Variants in HBG2 observed in about 807,000 individuals in gnomAD.
HBG2 encodes the protein hemoglobin subunit gamma 2.
For missense variants in HBG2, 59 were observed against 155.7 expected, an observed-to-expected ratio of 0.38 and a Z score of 3.31; for synonymous variants, 25 against 63.2, an observed-to-expected ratio of 0.40 and a Z score of 2.87.
At position 5,254,513 on chromosome 11, in the gene HBG2, G is replaced by A. The variant is rs778063322; in HGVS notation, c.94C>T (p.Leu32Phe). Residue 32 changes from leucine to phenylalanine, a missense_variant and splice_region_variant, in exon 2 of 3, where the codon CTC becomes TTC. By Grantham distance (22) the Leu-to-Phe change is conservative. Coordinates refer to ENST00000336906, the MANE Select transcript of HBG2 (RefSeq NM_000184.3). ...TGGGTCCATGGGTAGACAACCAGGA[G>A]CCTGTGAGATTGACAAGAACAGTTT... ...EDAGGETLGRLLVVYPWTQRF... is the reference protein window; with the variant it reads ...EDAGGETLGRFLVVYPWTQRF... 1 of 1,612,232 alleles carries A rather than the reference G, an allele frequency of 6.2e-7. No homozygotes were observed. The highest frequency in any genetic ancestry group is 8.5e-7 in the Non-Finnish European group (1 of 1,178,758).
chr11:5,253,340 C>A lies in HBG2; in HGVS notation c.381G>T (p.Val127=). ...IHFGKEFTPE[V]QASWQKMVTG... ...TCACCATCTTCTGCCAGGAAGCCTG[C>A]ACCTCAGGGGTGAATTCTTTGCCGA... The change falls in exon 3 of 3, where the codon GTG becomes GTT. Residue 127 remains valine (V), a synonymous_variant. Transcript: ENST00000336906. 1 of 1,614,030 alleles carries A rather than the reference C, an allele frequency of 6.2e-7. No individual in the cohort carries two copies. The highest frequency in any genetic ancestry group is 1.7e-4 in the Middle Eastern group (1 of 6,060).
intron 2 of HBG2, among the ~76,000 whole-genome samples, chr11:5,253,719 C>CACACACAG (rs1249932162): frequency 4.0e-5 from 6 of 150,636 alleles, no homozygotes; most frequent in African/African-American, 1.5e-4. Context: ...CACACACACA[C>CACACACAG]AGAGCTGACT....
chr11:5,253,719 C>CACACACACACAGAG (rs1249932162), intron 2 of HBG2, among the ~76,000 whole-genome samples: 5 of 150,638 alleles, frequency 3.3e-5, no homozygotes, highest in African/African-American at 1.2e-4. Context: ...CACACACACA[C>CACACACACACAGAG]AGAGCTGACT....
In HBG2 at chr11:5,253,305, G is replaced by A; in HGVS notation, c.416C>T (p.Ala139Val). Residue 139 changes from alanine to valine, a missense_variant, in exon 3 of 3, where the codon GCC becomes GTC. Physicochemically the swap from Ala to Val is moderately conservative, Grantham distance 64. Transcript: ENST00000336906. ...GTGGTATCTGGAGGACAGGGCACTG[G>A]CCACTCCAGTCACCATCTTCTGCCA... ...ASWQKMVTGV[A>V]SALSSRYH 2 of 1,614,058 alleles carry A rather than the reference G, an allele frequency of 1.2e-6. No individual in the cohort carries two copies. The highest frequency in any genetic ancestry group is 1.1e-5 in the South Asian group (1 of 91,054).
rs1847972520 is a variant in HBG2 at position 5,253,318 on chromosome 11, C to A, written c.403G>T (p.Val135Leu). Residue 135 changes from valine to leucine, a missense_variant, in exon 3 of 3, where the codon GTG becomes TTG. Coordinates refer to ENST00000336906, the MANE Select transcript of HBG2 (RefSeq NM_000184.3). ...GACAGGGCACTGGCCACTCCAGTCACCATCTTCTGCCAGGAAGCCTGCACC... is the reference window on the plus strand; with the variant it reads ...GACAGGGCACTGGCCACTCCAGTCAACATCTTCTGCCAGGAAGCCTGCACC... ...PEVQASWQKM[V>L]TGVASALSSR... 1 of 1,614,100 alleles carries A rather than the reference C, an allele frequency of 6.2e-7. No homozygotes were observed.
rs563545509 is a variant in HBG2 at position 5,253,263 on chromosome 11, C to T, written c.*14G>A. The T allele has an allele frequency of 2.3e-4, 374 of 1,614,008 alleles. 1 individual carries two copies. Among genetic ancestry groups the T allele is most frequent in the Non-Finnish European group, 3.1e-4 (365 of 1,179,930 alleles). ...AAGCCTATCCTTGAAAGCTCTGCATCATGGGCAGTGAGCTCAGTGGTATCT... is the reference window on the plus strand; with the variant it reads ...AAGCCTATCCTTGAAAGCTCTGCATTATGGGCAGTGAGCTCAGTGGTATCT... On this transcript the variant is annotated 3_prime_UTR_variant, in exon 3 of 3. Coordinates refer to ENST00000336906, the MANE Select transcript of HBG2 (RefSeq NM_000184.3).
rs371787841 is a variant in HBG2, at chr11:5,253,348, G to A, written c.373C>T (p.Pro125Ser). 1 of 1,613,734 alleles carries A rather than the reference G, an allele frequency of 6.2e-7. No homozygotes were observed. Among genetic ancestry groups the A allele is most frequent in the Non-Finnish European group, 8.5e-7 (1 of 1,179,900 alleles). ...TTCTGCCAGGAAGCCTGCACCTCAG[G>A]GGTGAATTCTTTGCCGAAATGGATT... The part of the protein sequence containing the change: ...LAIHFGKEFT[P>S]EVQASWQKMV... The change falls in exon 3 of 3, where the codon CCT becomes TCT. Residue 125 changes from proline to serine, a missense_variant. Coordinates refer to ENST00000336906, the MANE Select transcript of HBG2 (RefSeq NM_000184.3).
intron 2 of HBG2, among the ~76,000 whole-genome samples, chr11:5,253,698 G>GCGCACACACACACACACACA (rs141297974): frequency 7.4e-4 from 99 of 134,550 alleles, no homozygotes; most frequent in South Asian, 5.5e-3. Flanking sequence ...ACACACGCGC[G>GCGCACACACACACACACACA]CACACACACA....
In HBG2 at chr11:5,253,191, G is replaced by A; in HGVS notation, c.*86C>T. 6.3e-7 allele frequency: 1 copy of A among 1,589,376 alleles called. No individual in the cohort carries two copies. The highest frequency in any genetic ancestry group is 8.6e-7 in the Non-Finnish European group (1 of 1,158,590). On this transcript the variant is annotated 3_prime_UTR_variant, in exon 3 of 3. Coordinates refer to ENST00000336906, the MANE Select transcript of HBG2 (RefSeq NM_000184.3). ...AAAAAAGAACTGAAGACAACCATGTGTGATCTCTTAGCAGAATAGATTTAT... is the reference window on the plus strand; with the variant it reads ...AAAAAAGAACTGAAGACAACCATGTATGATCTCTTAGCAGAATAGATTTAT...
chr11:5,253,698 G>GCACACACACACACACACACA lies in HBG2; in HGVS notation c.316-313_316-294dup, dbSNP rs1554922324. On this transcript the variant is annotated intron_variant, in intron 2 of 2. Transcript: ENST00000336906. ...CTCACACACACACAAACACACGCGC[G>GCACACACACACACACACACA]CACACACACACACACACACACAGAG... Among the ~76,000 whole-genome samples the GCACACACACACACACACACA allele has an allele frequency of 6.0e-3, 805 of 134,530 alleles. 6 individuals carry two copies. The highest frequency in any genetic ancestry group is 0.034 in the South Asian group (138 of 4,010). 88.3% of individuals were successfully genotyped at this position (134,530 alleles called of 152,430 possible).
chr11:5,253,518 C>T (rs1847976284), intron 2 of HBG2, 113 bp from the exon 3 acceptor site: 3 of 1,241,554 alleles, frequency 2.4e-6, no homozygotes, highest in Non-Finnish European at 1.2e-6. Context: ...CCTATGTTAA[C>T]TTCCCTCAAA....
intron 2 of HBG2, among the ~76,000 whole-genome samples, chr11:5,253,674 TCACA>T (rs1294182581): frequency 7.4e-6 from 1 of 134,968 alleles, no homozygotes; most frequent in South Asian, 2.4e-4. Flanking sequence ...ACACACGCTC[TCACA>T]CACACACAAA....
chr11:5,254,259 A>T, intron 2 of HBG2, 33 bp downstream of exon 2: 4 of 1,614,118 alleles, frequency 2.5e-6, no homozygotes, highest in Non-Finnish European at 3.4e-6. Context: ...TCGAGACTAA[A>T]GGCAACAGTG....
chr11:5,253,749 C>G (rs1394738132), intron 2 of HBG2, among the ~76,000 whole-genome samples: 2 of 141,578 alleles, frequency 1.4e-5, no homozygotes, highest in Non-Finnish European at 3.1e-5. Context: ...TACTCCAGCC[C>G]AAATGTTTCA....
In HBG2 at chr11:5,253,400, C is replaced by T. The variant is rs141265341; in HGVS notation, c.321G>A (p.Leu107=). The change falls in exon 3 of 3, where the codon CTG becomes CTA. Residue 107 remains leucine, a synonymous_variant. Transcript: ENST00000336906. ...CCAAAACGGTCACCAGCACATTTCC[C>T]AGGAGCTGTTGAGATGAAAGGAGAC... ...LHVDPENFKL[L]GNVLVTVLAI... 1.9e-5 allele frequency: 30 copies of T among 1,612,718 alleles called. No homozygotes were observed. In the African/African-American group the frequency reaches 3.1e-4, roughly 17 times the overall value.
In HBG2 at chr11:5,253,412, A is replaced by G; in HGVS notation, c.316-7T>C. On this transcript the variant is annotated splice_region_variant and splice_polypyrimidine_tract_variant and intron_variant, in intron 2 of 2. Transcript: ENST00000336906. ...CCAGCACATTTCCCAGGAGCTGTTG[A>G]GATGAAAGGAGACAATAAAGATGAA... 1 of 1,611,756 alleles carries G rather than the reference A, an allele frequency of 6.2e-7. No individual in the cohort carries two copies. The highest frequency in any genetic ancestry group is 2.2e-5 in the East Asian group (1 of 44,756).
Position 5,254,456 on chromosome 11 carries a change from A to C in HBG2, c.151T>G (p.Ser51Ala), listed in dbSNP as rs2133613519. Residue 51 changes from serine (S) to alanine (A), a missense_variant, in exon 2 of 3, where the codon TCT (serine) becomes GCT (alanine). Ser to Ala is a moderately conservative substitution (Grantham distance 99). Coordinates refer to ENST00000336906, the MANE Select transcript of HBG2 (RefSeq NM_000184.3). ...RFFDSFGNLS[S>A]ASAIMGNPKV... ...GGGTTGCCCATGATGGCAGAGGCAG[A>C]GGACAGGTTGCCAAAGCTGTCAAAG... The C allele has an allele frequency of 6.2e-7, 1 of 1,614,210 alleles. No homozygotes were observed. The highest frequency in any genetic ancestry group is 1.1e-5 in the South Asian group (1 of 91,078).
chr11:5,254,206 C>A, intron 2 of HBG2, 86 bp downstream of exon 2: 1 of 1,572,888 alleles, frequency 6.4e-7, no homozygotes, highest in African/African-American at 1.3e-5. Context: ...AAACAGCTCA[C>A]ACCCTGCTGT....
intron 2 of HBG2, among the ~76,000 whole-genome samples, chr11:5,254,059 T>C (rs575537638): frequency 1.0e-3 from 156 of 151,948 alleles, no homozygotes; most frequent in Non-Finnish European, 1.9e-3. Flanking sequence ...ATTTTCCTCA[T>C]TTCCACCTCT....
Sources: allele counts gnomAD v4.1 joint callset (sites outside exome capture counted in the v4.1 genomes callset), GRCh38; gene constraint gnomAD v4.1.1; transcripts MANE v1.5; gene names NCBI Gene and HGNC (gene_info 2026-07-23, HGNC 2026-07-21).